The following LSM12 variants were observed in gnomAD, a reference collection of about 807,000 sequenced individuals.
LSM12 encodes LSM12 homolog, also known as protein LSM12.
For missense variants in LSM12, 108 were observed against 238.9 expected (o/e 0.45, Z 3.61); for synonymous variants, 74 against 87.3 (o/e 0.85, Z 0.85).
At chr17:44,056,296 A>C (rs1277314283) in intron 2 of LSM12, among the ~76,000 whole-genome samples, 2 of 133,434 alleles carry the variant, frequency 1.5e-5, no homozygotes, top group Non-Finnish European at 3.2e-5. Flanking sequence ...ACTCTGTCTC[A>C]AAAAAAAAAA....
chr17:44,056,094 C>T (rs1041480603), intron 2 of LSM12, among the ~76,000 whole-genome samples: 8 of 151,236 alleles, frequency 5.3e-5, no homozygotes, highest in Non-Finnish European at 8.8e-5. Flanking sequence ...ACAGAGAAAC[C>T]CCATCTCTGC....
At chr17:44,050,569 G>A (rs542601984) in intron 2 of LSM12, among the ~76,000 whole-genome samples, 290 of 150,682 alleles carry the variant, frequency 1.9e-3, no homozygotes, top group Admixed American at 4.0e-3. Context: ...CTGGAGTGCA[G>A]TGGCATGATG....
chr17:44,051,389 C>CAAAAAAAA (rs57974319), intron 2 of LSM12, among the ~76,000 whole-genome samples: 2 of 114,954 alleles, frequency 1.7e-5, no homozygotes, highest in Non-Finnish European at 3.4e-5. Flanking sequence ...GACTCCGTCT[C>CAAAAAAAA]AAAAAAAAAA....
chr17:44,044,475 G>A (rs1439317756), intron 2 of LSM12, among the ~76,000 whole-genome samples: 1 of 152,146 alleles, frequency 6.6e-6, no homozygotes, highest in African/African-American at 2.4e-5. Context: ...ATGTAAGGGA[G>A]CACTTAGAAA....
At chr17:44,045,669 C>T (rs372404683) in intron 2 of LSM12, among the ~76,000 whole-genome samples, 50 of 152,278 alleles carry the variant, frequency 3.3e-4, no homozygotes, top group African/African-American at 1.2e-3. Context: ...CCACTGGGCT[C>T]AAGCAATCCT....
chr17:44,046,759 C>CTT (rs35839029), intron 2 of LSM12, among the ~76,000 whole-genome samples: 7 of 68,358 alleles, frequency 1.0e-4, no homozygotes, highest in East Asian at 3.7e-4. Context: ...TTTTTTTTTT[C>CTT]TTTTTTTTTT....
At chr17:44,050,905 G>A (rs977038136) in intron 2 of LSM12, among the ~76,000 whole-genome samples, 4 of 152,160 alleles carry the variant, frequency 2.6e-5, no homozygotes, top group Non-Finnish European at 5.9e-5. Flanking sequence ...GAGATAGGCG[G>A]GTGGATACTT....
At chr17:44,052,140 C>T (rs1276850179) in intron 2 of LSM12, among the ~76,000 whole-genome samples, 1 of 151,510 alleles carries the variant, frequency 6.6e-6, no homozygotes, top group Non-Finnish European at 1.5e-5. Flanking sequence ...TAGCCAGGCA[C>T]GGTGGTGCAC....
intron 3 of LSM12, among the ~76,000 whole-genome samples, chr17:44,039,507 G>A (rs908961913): frequency 2.1e-5 from 3 of 142,594 alleles, no homozygotes; most frequent in East Asian, 2.2e-4. Flanking sequence ...TCAGCCTCCC[G>A]AGTAGCTGGG....
At chr17:44,059,127 C>A (rs117564067) in intron 2 of LSM12, among the ~76,000 whole-genome samples, 1 of 152,048 alleles carries the variant, frequency 6.6e-6, no homozygotes, top group Admixed American at 6.6e-5. Flanking sequence ...TATGATCATG[C>A]CACTGCACTC....
At position 44,059,127 on chromosome 17, in the gene LSM12, C is replaced by T. The variant is rs117564067; in HGVS notation, c.258+4674G>A. Among the ~76,000 whole-genome samples, 6 of 152,166 alleles carry T rather than the reference C, an allele frequency of 3.9e-5. No homozygotes were observed. The East Asian group carries it at 1.2e-3, about 29-fold the overall frequency. On this transcript the variant is annotated intron_variant, in intron 2 of 4. Coordinates refer to ENST00000293406, the MANE Select transcript of LSM12 (RefSeq NM_001371445.1). ...GAAGCTGCAGTGAGTTATGATCATG[C>T]CACTGCACTCTAGCCTGGTCAACAG... is the stretch of plus-strand genomic sequence containing the variant.
intron 2 of LSM12, among the ~76,000 whole-genome samples, chr17:44,041,340 C>CACAA (rs1739570238): frequency 2.0e-5 from 3 of 149,424 alleles, no homozygotes; most frequent in Non-Finnish European, 4.5e-5. Flanking sequence ...CACAAACACA[C>CACAA]ACACACACAC....
intron 2 of LSM12, among the ~76,000 whole-genome samples, chr17:44,057,978 T>C (rs2049740853): frequency 6.6e-6 from 1 of 151,790 alleles, no homozygotes; most frequent in Non-Finnish European, 1.5e-5. Context: ...GGCTCACGCC[T>C]GTAATCCCAG....
upstream of LSM12, among the ~76,000 whole-genome samples, chr17:44,066,919 G>A (rs372252188): frequency 1.3e-5 from 2 of 152,230 alleles, no homozygotes; most frequent in African/African-American, 4.8e-5. Flanking sequence ...CCACACAAGA[G>A]TTTAATGAAT....
intron 2 of LSM12, among the ~76,000 whole-genome samples, chr17:44,047,862 C>A (rs2144087212): frequency 6.6e-6 from 1 of 151,962 alleles, no homozygotes; most frequent in East Asian, 1.9e-4. Context: ...GAATTACAAG[C>A]ATAAACCACC....
At chr17:44,043,311 T>C (rs549243587) in intron 2 of LSM12, among the ~76,000 whole-genome samples, 3 of 152,226 alleles carry the variant, frequency 2.0e-5, no homozygotes, top group South Asian at 2.1e-4. Context: ...GAGAGACAAA[T>C]ACAGCAGCAA....
intron 2 of LSM12, among the ~76,000 whole-genome samples, chr17:44,044,103 C>A (rs77711779): frequency 6.6e-6 from 1 of 152,108 alleles, no homozygotes; most frequent in Non-Finnish European, 1.5e-5. Context: ...CATAACATCA[C>A]CCCATTTAGT....
At chr17:44,042,626 G>A (rs562107239) in intron 2 of LSM12, among the ~76,000 whole-genome samples, 8 of 69,778 alleles carry the variant, frequency 1.1e-4, no homozygotes, top group East Asian at 1.1e-3. Flanking sequence ...GTGCAGTGGC[G>A]CAAGCTCTGC....
chr17:44,039,578 T>C (rs894346109), intron 3 of LSM12, among the ~76,000 whole-genome samples: 1 of 149,326 alleles, frequency 6.7e-6, no homozygotes, highest in Admixed American at 6.7e-5. Flanking sequence ...AGACGGGGTT[T>C]CACCTTGTTA....
Sources: gnomAD v4.1 joint callset for allele counts (sites outside exome capture counted in the v4.1 genomes callset) on GRCh38, gnomAD v4.1.1 for gene constraint, MANE v1.5 for transcripts, NCBI Gene and HGNC (gene_info 2026-07-23, HGNC 2026-07-21) for gene names.